The following WWOX variants were observed in gnomAD, a reference collection of about 807,000 sequenced individuals.
The protein encoded by WWOX is WW domain containing oxidoreductase.
Under a neutral mutation model 46.2 loss-of-function variants are expected in WWOX, and 69 were observed. The ratio of observed to expected loss-of-function variants is 1.49; its 90% CI spans 1.23 to 1.82. The LOEUF is 1.82. Ranked by LOEUF, WWOX falls within the 40% of genes most tolerant of loss-of-function variation. The pLI, the probability that WWOX is intolerant of heterozygous loss-of-function variation, is 0.00. For missense variants in WWOX, 919 were observed against 542.6 expected (o/e 1.69, Z -6.89); for synonymous variants, 359 against 202.6 (o/e 1.77, Z -6.56).
chr16:78,356,180 C>G (rs933682966), intron 5 of WWOX, among the ~76,000 whole-genome samples: 3 of 150,244 alleles, frequency 2.0e-5, no homozygotes, highest in South Asian at 2.1e-4. Context: ...GAGCGAGACT[C>G]TGTCTCAAAA....
At chr16:78,695,464 G>T (rs910891123) in intron 8 of WWOX, among the ~76,000 whole-genome samples, 1 of 152,166 alleles carries the variant, frequency 6.6e-6, no homozygotes, top group Non-Finnish European at 1.5e-5. Context: ...GAGCAGAGAA[G>T]CTTGTCTTTC....
At position 78,295,077 on chromosome 16, in the gene WWOX, G is replaced by T. The variant is rs576391725; in HGVS notation, c.517-91783G>T. On this transcript the variant is annotated intron_variant, in intron 5 of 8. Coordinates refer to ENST00000566780, the MANE Select transcript of WWOX (RefSeq NM_016373.4). ...GTGTCCTAGGTATTGTGGGGCCGCT[G>T]TAGGAGGATGGTGGTTAAATCTTGG... Among the ~76,000 whole-genome samples, 21 of 152,298 alleles carry T rather than the reference G, an allele frequency of 1.4e-4. No homozygotes were observed. The South Asian group carries it at 4.4e-3, about 32-fold the overall frequency.
At chr16:78,356,092 A>AAAAAAAAAAAG in intron 5 of WWOX, among the ~76,000 whole-genome samples, 1 of 71,866 alleles carries the variant, frequency 1.4e-5, no homozygotes, top group African/African-American at 6.3e-5. Context: ...AAAAAAAAAA[A>AAAAAAAAAAAG]AGAAGAATCG....
At chr16:78,958,899 G>A (rs2046221108) in intron 8 of WWOX, among the ~76,000 whole-genome samples, 1 of 152,180 alleles carries the variant, frequency 6.6e-6, no homozygotes, top group African/African-American at 2.4e-5. Context: ...ACTCCATAGG[G>A]TGAGCATAGC....
At chr16:79,130,367 T>G (rs561802713) in intron 8 of WWOX, among the ~76,000 whole-genome samples, 1 of 152,308 alleles carries the variant, frequency 6.6e-6, no homozygotes, top group Admixed American at 6.5e-5. Flanking sequence ...TTAATACAAC[T>G]AATAAATAGT....
chr16:78,726,200 C>A (rs2048832902), intron 8 of WWOX, among the ~76,000 whole-genome samples: 1 of 147,352 alleles, frequency 6.8e-6, no homozygotes, highest in Admixed American at 6.9e-5. Flanking sequence ...TTCCTTCCTT[C>A]CTTCCTTCTT....
chr16:78,933,916 G>C (rs1036389143), intron 8 of WWOX, among the ~76,000 whole-genome samples: 1 of 152,122 alleles, frequency 6.6e-6, no homozygotes, highest in Non-Finnish European at 1.5e-5. Context: ...CTATAGCTGG[G>C]TGAAGTGGCT....
chr16:78,914,162 T>C (rs1030128277), intron 8 of WWOX, among the ~76,000 whole-genome samples: 1 of 152,112 alleles, frequency 6.6e-6, no homozygotes, highest in Admixed American at 6.6e-5. Context: ...TCACAATTTC[T>C]CTATCCCATA....
At chr16:79,065,667 C>T (rs1181421233) in intron 8 of WWOX, among the ~76,000 whole-genome samples, 2 of 152,218 alleles carry the variant, frequency 1.3e-5, no homozygotes, top group African/African-American at 2.4e-5. Flanking sequence ...GACCCCTCTC[C>T]TAATCCTAAC....
intron 8 of WWOX, among the ~76,000 whole-genome samples, chr16:78,859,036 AT>A (rs2052649542): frequency 8.1e-5 from 2 of 24,674 alleles, no homozygotes; most frequent in Non-Finnish European, 2.2e-4. Flanking sequence ...AAATATATAT[AT>A]ATATATATAT....
intron 4 of WWOX, among the ~76,000 whole-genome samples, chr16:78,142,073 A>G (rs951080886): frequency 2.6e-5 from 4 of 151,850 alleles, no homozygotes; most frequent in Admixed American, 6.6e-5. Context: ...GATTTTCACA[A>G]TGAAGGTAAT....
At chr16:78,946,255 A>T (rs1322043177) in intron 8 of WWOX, among the ~76,000 whole-genome samples, 1 of 152,042 alleles carries the variant, frequency 6.6e-6, no homozygotes, top group Non-Finnish European at 1.5e-5. Flanking sequence ...CAGCAGTGCA[A>T]TCTCGGCTCA....
At chr16:78,395,671 G>T (rs999533347) in intron 6 of WWOX, among the ~76,000 whole-genome samples, 3 of 152,168 alleles carry the variant, frequency 2.0e-5, no homozygotes, top group Admixed American at 2.0e-4. Context: ...AGAGCCAAGA[G>T]AAATTATTGT....
intron 8 of WWOX, among the ~76,000 whole-genome samples, chr16:78,575,370 T>C (rs765609471): frequency 6.6e-6 from 1 of 151,688 alleles, no homozygotes; most frequent in Non-Finnish European, 1.5e-5. Flanking sequence ...TAGCCTGAAA[T>C]AGCCCTATCT....
chr16:78,987,623 T>C (rs1269172575), intron 8 of WWOX, among the ~76,000 whole-genome samples: 10 of 152,178 alleles, frequency 6.6e-5, no homozygotes, highest in Admixed American at 6.5e-4. Flanking sequence ...TCCCTCATGT[T>C]TCAAGTGGCT....
Position 78,432,654 on chromosome 16 carries a change from G to T in WWOX, c.958G>T (p.Ala320Ser). 1 of 1,614,174 alleles carries T rather than the reference G, an allele frequency of 6.2e-7. No individual in the cohort carries two copies. The highest frequency in any genetic ancestry group is 8.5e-7 in the Non-Finnish European group (1 of 1,180,024). ...CTCCCCACGCGGGGTCACGTCGAAC[G>T]CAGTGCATCCTGGAAATATGATGTA... ...RLSPRGVTSN[A>S]VHPGNMMYSN... Residue 320 changes from alanine (A) to serine (S), a missense_variant, in exon 8 of 9, where the codon GCA becomes TCA. Physicochemically the swap from Ala to Ser is moderately conservative, Grantham distance 99. Transcript: ENST00000566780.
chr16:78,275,549 A>C (rs2079561544), intron 5 of WWOX, among the ~76,000 whole-genome samples: 2 of 152,064 alleles, frequency 1.3e-5, no homozygotes, highest in South Asian at 4.2e-4. Context: ...CCAGGTGGAG[A>C]GGTTGGGGCG....
chr16:78,645,653 T>G (rs1207598429), intron 8 of WWOX, among the ~76,000 whole-genome samples: 3 of 151,870 alleles, frequency 2.0e-5, no homozygotes, highest in Admixed American at 2.0e-4. Context: ...AAGAACCAAC[T>G]CTCTGGGAAC....
chr16:78,847,804 G>A (rs1224975514), intron 8 of WWOX, among the ~76,000 whole-genome samples: 1 of 152,076 alleles, frequency 6.6e-6, no homozygotes, highest in Non-Finnish European at 1.5e-5. Flanking sequence ...AAGGAAAACA[G>A]TATTTCCCTC....
Sources: gnomAD v4.1 joint callset for allele counts (sites outside exome capture counted in the v4.1 genomes callset) on GRCh38, gnomAD v4.1.1 for gene constraint, MANE v1.5 for transcripts, NCBI Gene and HGNC (gene_info 2026-07-23, HGNC 2026-07-21) for gene names.